Variants in PLAA observed in about 807,000 individuals in gnomAD.
PLAA encodes the protein phospholipase A2 activating protein.
PLAA carries 48 observed loss-of-function variants against 84.1 expected under a neutral mutation model. The observed-to-expected ratio is 0.57, with a 90% confidence interval of 0.45 to 0.73. The LOEUF (loss-of-function observed/expected upper bound fraction) is 0.73, where lower values mean the gene tolerates loss of function less well. Among genes scored for constraint, PLAA ranks in the 30% least tolerant of loss-of-function variants. PLAA has a pLI of 0.00. For missense variants in PLAA, 903 were observed against 954.7 expected (o/e 0.95, Z 0.71); for synonymous variants, 392 against 336.6 (o/e 1.16, Z -1.80).
At chr9:26,922,133 A>C (rs1253706315) in intron 7 of PLAA, among the ~76,000 whole-genome samples, 1 of 152,204 alleles carries the variant, frequency 6.6e-6, no homozygotes, top group African/African-American at 2.4e-5. Context: ...TTGAGACACC[A>C]CAGTATTTTG....
intron 10 of PLAA, among the ~76,000 whole-genome samples, chr9:26,914,323 C>T (rs1302694653): frequency 6.6e-6 from 1 of 152,068 alleles, no homozygotes; most frequent in Non-Finnish European, 1.5e-5. Flanking sequence ...GTTAGAGATA[C>T]TATGACAACA....
chr9:26,916,173 T>A, intron 10 of PLAA: 1 of 983,916 alleles, frequency 1.0e-6, no homozygotes, highest in Non-Finnish European at 1.2e-6. Context: ...TAACGTTGTA[T>A]GTTTGTCCAA....
At chr9:26,922,657 T>C (rs1262997104) in intron 7 of PLAA, among the ~76,000 whole-genome samples, 3 of 151,100 alleles carry the variant, frequency 2.0e-5, no homozygotes, top group African/African-American at 7.4e-5. Context: ...AGACAATGCT[T>C]GATTTTAACT....
At chr9:26,915,199 C>G (rs552060653) in intron 10 of PLAA, among the ~76,000 whole-genome samples, 1 of 143,810 alleles carries the variant, frequency 7.0e-6, no homozygotes, top group Non-Finnish European at 1.5e-5. Flanking sequence ...GCAAGAAGAA[C>G]AAAACTCTGA....
intron 1 of PLAA, among the ~76,000 whole-genome samples, chr9:26,941,442 A>G (rs185660618): frequency 5.3e-4 from 80 of 152,270 alleles, no homozygotes; most frequent in Non-Finnish European, 8.2e-4. Context: ...ATAACTCAAC[A>G]GTAAAACTCA....
Position 26,904,979 on chromosome 9 carries a change from G to A in PLAA, c.*532C>T, listed in dbSNP as rs1477186865. ...CAAATATACTTTAGGATTTATAAAT[G>A]ACAAATCAAGAAATTATCTTATATT... On this transcript the variant is annotated 3_prime_UTR_variant, in exon 14 of 14. Coordinates refer to ENST00000397292, the MANE Select transcript of PLAA (RefSeq NM_001031689.3). 1 of 151,402 alleles carries A rather than the reference G, an allele frequency of 6.6e-6. No individual in the cohort carries two copies. Among genetic ancestry groups the A allele is most frequent in the Non-Finnish European group, 1.5e-5 (1 of 67,784 alleles). The allele number at this position is 151,402 out of a possible 1,614,324, so 9.4% of individuals were successfully genotyped here.
At chr9:26,918,811 T>G (rs1824658567) in intron 9 of PLAA, among the ~76,000 whole-genome samples, 1 of 152,142 alleles carries the variant, frequency 6.6e-6, no homozygotes. Context: ...GGATTACAAT[T>G]TACAGACTGG....
chr9:26,905,346 C>G lies in PLAA; in HGVS notation c.*165G>C, dbSNP rs747619147. 2.5e-5 allele frequency: 15 copies of G among 601,220 alleles called. No homozygotes were observed. The highest frequency in any genetic ancestry group is 3.8e-5 in the Non-Finnish European group (13 of 344,334). The allele number at this position is 601,220 out of a possible 1,614,324, so 37.2% of individuals were successfully genotyped here. A position where few individuals can be genotyped will look rare whatever the true frequency, so the allele number is the denominator to read the frequency against. On this transcript the variant is annotated 3_prime_UTR_variant, in exon 14 of 14. Transcript: ENST00000397292. Reference sequence around the variant, plus strand: ...TACACAGGAAAATCTCACAGTTCAGCAGTGCAAAAATTTTATTTCTGTTTC... The same window carrying G: ...TACACAGGAAAATCTCACAGTTCAGGAGTGCAAAAATTTTATTTCTGTTTC...
At position 26,946,903 on chromosome 9, in the gene PLAA, G is replaced by C; in HGVS notation, c.143C>G (p.Pro48Arg). 1 of 1,581,344 alleles carries C rather than the reference G, an allele frequency of 6.3e-7. No individual in the cohort carries two copies. Among genetic ancestry groups the C allele is most frequent in the South Asian group, 1.2e-5 (1 of 86,164 alleles). ...SRDRTTRLWA[P>R]DSPNRSFTEM... ...CCCGACTCCCAGCGCTCACCTGTCT[G>C]GGGCCCAGAGGCGGGTGGTGCGGTC... The change falls in exon 1 of 14, where the codon CCA (proline) becomes CGA (arginine). Residue 48 changes from proline (P) to arginine (R), a missense_variant. Coordinates refer to ENST00000397292, the MANE Select transcript of PLAA (RefSeq NM_001031689.3).
Position 26,928,232 on chromosome 9 carries a change from A to G in PLAA, c.445-12T>C. The G allele has an allele frequency of 6.2e-7, 1 of 1,614,096 alleles. No homozygotes were observed. Among genetic ancestry groups the G allele is most frequent in the Admixed American group, 1.7e-5 (1 of 60,010 alleles). On this transcript the variant is annotated splice_polypyrimidine_tract_variant and intron_variant, in intron 3 of 13. Coordinates refer to ENST00000397292, the MANE Select transcript of PLAA (RefSeq NM_001031689.3). Reference sequence around the variant, plus strand: ...GCAGCTGTATGACCCTGTGAGTAAAATGAGTATCAATTTAAGTTGCCACAG... The same window carrying G: ...GCAGCTGTATGACCCTGTGAGTAAAGTGAGTATCAATTTAAGTTGCCACAG...
rs146388792 is a variant in PLAA at position 26,926,183 on chromosome 9, C to A, written c.733+210G>T. 1.5e-3 allele frequency among the ~76,000 whole-genome samples: 235 copies of A among 152,278 alleles called. 3 individuals are homozygous for A. Among genetic ancestry groups the A allele is most frequent in the African/African-American group, 5.4e-3 (226 of 41,566 alleles). On this transcript the variant is annotated intron_variant, in intron 5 of 13. Transcript: ENST00000397292. ...TCTTCAGATACCCAAGAACTTTTTACAGCACAACATAAATCTGAATTAATA... is the reference window on the plus strand; with the variant it reads ...TCTTCAGATACCCAAGAACTTTTTAAAGCACAACATAAATCTGAATTAATA...
At chr9:26,926,656 G>C in intron 4 of PLAA, 96 bp from the exon 5 acceptor site, 1 of 794,414 alleles carries the variant, frequency 1.3e-6, no homozygotes, top group Non-Finnish European at 1.9e-6. Context: ...TCAGTGAGTA[G>C]TAAAAATTAA....
chr9:26,908,121 C>A, intron 12 of PLAA, 123 bp from the exon 13 acceptor site: 1 of 612,412 alleles, frequency 1.6e-6, no homozygotes, highest in Non-Finnish European at 2.7e-6. Context: ...CTTTACTCAG[C>A]AATTATCAAA....
At position 26,935,202 on chromosome 9, in the gene PLAA, T is replaced by G; in HGVS notation, c.154A>C (p.Asn52His). The G allele has an allele frequency of 6.4e-7, 1 of 1,554,196 alleles. No homozygotes were observed. Among genetic ancestry groups the G allele is most frequent in the Non-Finnish European group, 8.6e-7 (1 of 1,156,884 alleles). The part of the protein sequence containing the change: ...TTRLWAPDSP[N>H]RSFTEMHCMS... ...CAGTGCATTTCTGTAAAGCTCCTGTTTGGACTGGAAAGACAAGATAATTAA... is the reference window on the plus strand; with the variant it reads ...CAGTGCATTTCTGTAAAGCTCCTGTGTGGACTGGAAAGACAAGATAATTAA... The change falls in exon 2 of 14, where the codon AAC becomes CAC. Residue 52 changes from asparagine to histidine, a missense_variant. Asn to His is a moderately conservative substitution (Grantham distance 68, BLOSUM62 1). Coordinates refer to ENST00000397292, the MANE Select transcript of PLAA (RefSeq NM_001031689.3).
In PLAA at chr9:26,920,363, C is replaced by T. The variant is rs772440843; in HGVS notation, c.1061G>A (p.Arg354His). ...NEPGTREGQTRLIRDGEKVEA... is the reference protein window; with the variant it reads ...NEPGTREGQTHLIRDGEKVEA... ...GACTTTCTCCCCATCTCTGATTAGACGAGTCTGTCCTTCTCTAGTACCTTA... is the reference window on the plus strand; with the variant it reads ...GACTTTCTCCCCATCTCTGATTAGATGAGTCTGTCCTTCTCTAGTACCTTA... The change falls in exon 8 of 14, where the codon CGT becomes CAT. Residue 354 changes from arginine to histidine, a missense_variant. Arg to His is a conservative substitution (Grantham distance 29, BLOSUM62 0). Coordinates refer to ENST00000397292, the MANE Select transcript of PLAA (RefSeq NM_001031689.3). 3.0e-5 allele frequency: 48 copies of T among 1,612,008 alleles called. No individual in the cohort carries two copies. The highest frequency in any genetic ancestry group is 1.6e-4 in the Middle Eastern group (1 of 6,078).
intron 2 of PLAA, among the ~76,000 whole-genome samples, chr9:26,931,788 T>A (rs1200374381): frequency 1.3e-5 from 2 of 152,112 alleles, no homozygotes; most frequent in Non-Finnish European, 2.9e-5. Context: ...ATGCCTGTAA[T>A]CCCACCACTT....
At chr9:26,908,482 G>C (rs139368216) in intron 12 of PLAA, among the ~76,000 whole-genome samples, 1,835 of 147,784 alleles carry the variant, frequency 0.012, 33 homozygotes, top group African/African-American at 0.043. Context: ...TTATTATTTT[G>C]AGATGGAGTC....
At chr9:26,908,988 T>C (rs1824321035) in intron 12 of PLAA, among the ~76,000 whole-genome samples, 1 of 152,210 alleles carries the variant, frequency 6.6e-6, no homozygotes, top group Admixed American at 6.5e-5. Flanking sequence ...GTCACATTAT[T>C]TTAAAAATTT....
intron 1 of PLAA, among the ~76,000 whole-genome samples, chr9:26,938,484 T>C (rs1481978471): frequency 3.3e-5 from 5 of 151,294 alleles, no homozygotes; most frequent in African/African-American, 1.2e-4. Flanking sequence ...CCTGGGAGTT[T>C]GAGACTTAAG....
Sources: allele counts gnomAD v4.1 joint callset (sites outside exome capture counted in the v4.1 genomes callset), GRCh38; gene constraint gnomAD v4.1.1; transcripts MANE v1.5; gene names NCBI Gene and HGNC (gene_info 2026-07-23, HGNC 2026-07-21).